Variants in GLRA1 observed in about 807,000 individuals in gnomAD.
The protein encoded by GLRA1 is glycine receptor subunit alpha-1.
Under a neutral mutation model 48.3 loss-of-function variants are expected in GLRA1, and 37 were observed. The observed-to-expected ratio is 0.77, with a 90% CI of 0.59 to 1.01. The LOEUF is 1.01. Ranked by LOEUF, GLRA1 falls within the 50% of genes least tolerant of loss-of-function variation. The probability of loss-of-function intolerance (pLI) is 0.00; values close to 1 mark genes in which losing one functional copy is unlikely to be tolerated. For missense variants in GLRA1, 427 were observed against 571.0 expected (o/e 0.75, Z 2.57); for synonymous variants, 196 against 210.7 (o/e 0.93, Z 0.60).
chr5:151,822,860 C>A lies in GLRA1; in HGVS notation c.1163G>T (p.Ser388Ile), dbSNP rs1312246907. 1 of 1,614,088 alleles carries A rather than the reference C, an allele frequency of 6.2e-7. No individual in the cohort carries two copies. The highest frequency in any genetic ancestry group is 2.2e-5 in the East Asian group (1 of 44,872). ...DGISVKGANN[S>I]NTTNPPPAPS... The stretch of plus-strand genomic sequence containing the variant: ...TGCAGGAGGGGGGTTGGTGGTGTTA[C>A]TGTTGTTGGCGCCCTTGACTGAGAT... Residue 388 changes from serine to isoleucine, a missense_variant, in exon 9 of 9, where the codon AGT becomes ATT. Ser to Ile is a moderately radical substitution (Grantham distance 142). Around this residue, in one of 4 missense-constraint regions of GLRA1, gnomAD observed 121 missense variants for 96.5 expected, o/e 1.25. Coordinates refer to ENST00000274576, the MANE Select transcript of GLRA1 (RefSeq NM_000171.4).
chr5:151,918,302 T>G (rs1308334485), intron 1 of GLRA1, among the ~76,000 whole-genome samples: 1 of 152,044 alleles, frequency 6.6e-6, no homozygotes, highest in Non-Finnish European at 1.5e-5. Context: ...TTACAGGGAG[T>G]TGGTTCAGGG....
chr5:151,921,914 G>C (rs1754884668), intron 1 of GLRA1, among the ~76,000 whole-genome samples: 1 of 152,150 alleles, frequency 6.6e-6, no homozygotes, highest in Non-Finnish European at 1.5e-5. Flanking sequence ...AATGCTTTTT[G>C]TCTTCCAGGA....
chr5:151,841,075 T>G (rs147155635), intron 7 of GLRA1, among the ~76,000 whole-genome samples: 1 of 152,270 alleles, frequency 6.6e-6, no homozygotes, highest in East Asian at 1.9e-4. Context: ...CAGAAGAATG[T>G]ACATTCTTCT....
At chr5:151,847,708 G>A (rs375763470) in intron 7 of GLRA1, among the ~76,000 whole-genome samples, 3 of 151,752 alleles carry the variant, frequency 2.0e-5, no homozygotes, top group African/African-American at 4.8e-5. Context: ...CTTGGGCAAC[G>A]GAGTGAGACT....
chr5:151,852,527 G>A (rs933870767), intron 6 of GLRA1, among the ~76,000 whole-genome samples: 1 of 152,196 alleles, frequency 6.6e-6, no homozygotes, highest in Non-Finnish European at 1.5e-5. Context: ...CTGGGATGGG[G>A]CCAGTCTTAT....
intron 1 of GLRA1, among the ~76,000 whole-genome samples, chr5:151,910,137 T>C (rs1465555): frequency 0.73 from 110,485 of 152,038 alleles, 40,872 homozygotes; most frequent in African/African-American, 0.88. Flanking sequence ...TAGTTTCAGC[T>C]TCTAGGCTGA....
At chr5:151,915,208 A>T (rs955151035) in intron 1 of GLRA1, among the ~76,000 whole-genome samples, 1 of 152,188 alleles carries the variant, frequency 6.6e-6, no homozygotes, top group Non-Finnish European at 1.5e-5. Flanking sequence ...GCATTCAGTA[A>T]ACACTCAATA....
intron 4 of GLRA1, among the ~76,000 whole-genome samples, chr5:151,857,030 C>T (rs747444420): frequency 2.2e-4 from 34 of 152,194 alleles, no homozygotes; most frequent in Non-Finnish European, 2.1e-4. Flanking sequence ...GCTGGGGGCC[C>T]GGGCCTGGCG....
At chr5:151,891,197 T>G (rs150632894) in intron 2 of GLRA1, among the ~76,000 whole-genome samples, 3 of 152,180 alleles carry the variant, frequency 2.0e-5, no homozygotes, top group African/African-American at 4.8e-5. Flanking sequence ...AAGGTCAGAG[T>G]GCATAGGCTC....
chr5:151,832,281 A>G (rs1181766837), intron 7 of GLRA1, among the ~76,000 whole-genome samples: 1 of 152,216 alleles, frequency 6.6e-6, no homozygotes, highest in Non-Finnish European at 1.5e-5. Context: ...CAAGGGAACA[A>G]AACTGGACAG....
At chr5:151,864,851 T>C (rs186588309) in intron 3 of GLRA1, among the ~76,000 whole-genome samples, 1 of 152,248 alleles carries the variant, frequency 6.6e-6, no homozygotes. Context: ...ACCTATGAGC[T>C]ACCTAGTACC....
chr5:151,837,178 A>C (rs1763599523), intron 7 of GLRA1, among the ~76,000 whole-genome samples: 1 of 152,254 alleles, frequency 6.6e-6, no homozygotes, highest in Non-Finnish European at 1.5e-5. Flanking sequence ...TCTCAAAAGA[A>C]GACATTTATG....
chr5:151,866,650 C>A (rs1275878979), intron 3 of GLRA1, among the ~76,000 whole-genome samples: 1 of 152,088 alleles, frequency 6.6e-6, no homozygotes, highest in Non-Finnish European at 1.5e-5. Flanking sequence ...GAAACTCAAT[C>A]CAACTCTATT....
At chr5:151,837,609 C>T (rs1413981444) in intron 7 of GLRA1, among the ~76,000 whole-genome samples, 1 of 152,188 alleles carries the variant, frequency 6.6e-6, no homozygotes, top group Non-Finnish European at 1.5e-5. Context: ...GTCACATATA[C>T]ACTATGGAAT....
intron 1 of GLRA1, among the ~76,000 whole-genome samples, chr5:151,907,721 A>G (rs1267322295): frequency 6.6e-6 from 1 of 152,216 alleles, no homozygotes. Context: ...AGATTAGCTG[A>G]TAGGACTGAG....
chr5:151,835,027 CAAAAAAAAA>C (rs60718344), intron 7 of GLRA1, among the ~76,000 whole-genome samples: 6 of 52,530 alleles, frequency 1.1e-4, no homozygotes, highest in African/African-American at 1.6e-4. Context: ...GACAACATCT[CAAAAAAAAA>C]AAAAAAAAAA....
chr5:151,924,812 T>G lies in GLRA1; in HGVS notation c.-263A>C. 1 of 574,272 alleles carries G rather than the reference T, an allele frequency of 1.7e-6. No homozygotes were observed. The highest frequency in any genetic ancestry group is 3.1e-6 in the Non-Finnish European group (1 of 321,338). 35.6% of individuals were successfully genotyped at this position (574,272 alleles called of 1,614,324 possible). A position where few individuals can be genotyped will look rare whatever the true frequency, so the allele number is the denominator to read the frequency against. On this transcript the variant is annotated 5_prime_UTR_variant, in exon 1 of 9. Transcript: ENST00000274576. ...TCAGGAGCGCGAAGAGTATTGCTGT[T>G]TGTTAAACTCCAGCGTGTCTGTTGG...
In GLRA1 at chr5:151,829,034, C is replaced by A. The variant is rs751088792; in HGVS notation, c.946G>T (p.Ala316Ser). The change falls in exon 8 of 9, where the codon GCA (alanine) becomes TCA (serine). Residue 316 changes from alanine to serine, a missense_variant. Transcript: ENST00000274576. ...SYVKAIDIWM[A>S]VCLLFVFSAL... Reference sequence around the variant, plus strand: ...GAGAACACAAAGAGCAGGCAAACTGCCATCCAAATGTCAATGGCTTTCACA... The same window carrying A: ...GAGAACACAAAGAGCAGGCAAACTGACATCCAAATGTCAATGGCTTTCACA... 1.2e-6 allele frequency: 2 copies of A among 1,613,918 alleles called. No individual in the cohort carries two copies. Among genetic ancestry groups the A allele is most frequent in the Non-Finnish European group, 1.7e-6 (2 of 1,179,964 alleles).
intron 6 of GLRA1, among the ~76,000 whole-genome samples, chr5:151,851,883 G>C (rs1156927398): frequency 2.0e-5 from 3 of 152,106 alleles, no homozygotes; most frequent in Non-Finnish European, 4.4e-5. Context: ...TAAATGTTCA[G>C]AATTGTCAAT....
Sources: allele counts gnomAD v4.1 joint callset (sites outside exome capture counted in the v4.1 genomes callset), GRCh38; gene constraint gnomAD v4.1.1; regional missense constraint gnomAD v4.1.1; transcripts MANE v1.5; gene names NCBI Gene and HGNC (gene_info 2026-07-23, HGNC 2026-07-21).